The following ULK4 variants were observed in gnomAD, a reference collection of about 807,000 sequenced individuals.
ULK4 encodes inactive serine/threonine-protein kinase ULK4.
ULK4 carries 133 observed loss-of-function variants against 160.6 expected under a neutral mutation model. That is an observed-to-expected ratio of 0.83 (90% confidence interval 0.72 to 0.96). The LOEUF is 0.96. ULK4 is among the 40% of genes least tolerant of loss of function. The pLI is 0.00. For missense variants in ULK4, 1,580 were observed against 1,499.5 expected, an observed-to-expected ratio of 1.05 and a Z score of -0.89; for synonymous variants, 534 against 539.8, an observed-to-expected ratio of 0.99 and a Z score of 0.15.
At chr3:41,287,080 T>G (rs2079474878) in intron 35 of ULK4, among the ~76,000 whole-genome samples, 1 of 152,162 alleles carries the variant, frequency 6.6e-6, no homozygotes, top group South Asian at 2.1e-4. Flanking sequence ...CTGTCAGCAA[T>G]CCTGGCACAT....
intron 8 of ULK4, 64 bp from the exon 9 acceptor site, chr3:41,912,963 C>T (rs1698840032): frequency 2.0e-6 from 3 of 1,488,816 alleles, no homozygotes; most frequent in East Asian, 2.3e-5. Flanking sequence ...ATTCCCAAGA[C>T]ATGTCCCAAT....
At chr3:41,727,482 G>A (rs1309257807) in intron 22 of ULK4, among the ~76,000 whole-genome samples, 1 of 152,186 alleles carries the variant, frequency 6.6e-6, no homozygotes, top group East Asian at 1.9e-4. Context: ...CTCTCGACAG[G>A]ATGTCATTGA....
At chr3:41,702,767 G>A (rs967817545) in intron 27 of ULK4, among the ~76,000 whole-genome samples, 58 of 150,886 alleles carry the variant, frequency 3.8e-4, no homozygotes, top group Admixed American at 2.2e-3. Flanking sequence ...ATTCATAATA[G>A]TAATAGGAGA....
In ULK4 at chr3:41,810,719, T is replaced by C. The variant is rs180802389; in HGVS notation, c.1848+8704A>G. ...AGATAAATAGATATAAAATTGACCA[T>C]TCTAACTCAACAGTGTATAGTTTTG... On this transcript the variant is annotated intron_variant, in intron 19 of 36. Transcript: ENST00000301831. Among the ~76,000 whole-genome samples the C allele has an allele frequency of 9.7e-4, 148 of 152,342 alleles. 1 individual carries two copies. Among genetic ancestry groups the C allele is most frequent in the African/African-American group, 3.4e-3 (141 of 41,596 alleles).
At chr3:41,856,815 T>C (rs1382696698) in intron 17 of ULK4, among the ~76,000 whole-genome samples, 1 of 151,324 alleles carries the variant, frequency 6.6e-6, no homozygotes, top group East Asian at 2.0e-4. Flanking sequence ...CTATGGTGGG[T>C]AGACTGCTTG....
intron 30 of ULK4, among the ~76,000 whole-genome samples, 163 bp from the exon 31 acceptor site, chr3:41,615,880 A>C (rs1200686295): frequency 6.6e-6 from 1 of 152,236 alleles, no homozygotes; most frequent in Non-Finnish European, 1.5e-5. Flanking sequence ...TATAGCTATT[A>C]AACAAGAAAT....
At chr3:41,346,494 A>G (rs1170438879) in intron 35 of ULK4, among the ~76,000 whole-genome samples, 1 of 152,120 alleles carries the variant, frequency 6.6e-6, no homozygotes, top group African/African-American at 2.4e-5. Context: ...CAGTGCTCCC[A>G]CCAGTGTCCA....
At chr3:41,913,510 C>A (rs537829962) in intron 8 of ULK4, among the ~76,000 whole-genome samples, 1 of 152,186 alleles carries the variant, frequency 6.6e-6, no homozygotes, top group African/African-American at 2.4e-5. Flanking sequence ...CTGGCGTGAG[C>A]CACCGTGCTC....
intron 35 of ULK4, among the ~76,000 whole-genome samples, chr3:41,352,307 C>G (rs2080927301): frequency 6.6e-6 from 1 of 152,174 alleles, no homozygotes; most frequent in Middle Eastern, 3.2e-3. Context: ...GTCACATACA[C>G]CTACACTGTC....
Position 41,705,259 on chromosome 3 carries a change from G to A in ULK4, c.2681C>T (p.Ala894Val). Residue 894 changes from alanine to valine, a missense_variant, in exon 26 of 37, where the codon GCC becomes GTC. By Grantham distance (64) the Ala-to-Val change is moderately conservative. Coordinates refer to ENST00000301831, the MANE Select transcript of ULK4 (RefSeq NM_017886.4). ...ATGTTCCAGGGTCTACTCACCTATG[G>A]CTCCATCTATGTTCGTTTCTCCTGA... The part of the protein sequence containing the change: ...VDSGETNIDG[A>V]IGLTASEEFI... 1 of 1,613,108 alleles carries A rather than the reference G, an allele frequency of 6.2e-7. No homozygotes were observed.
intron 20 of ULK4, among the ~76,000 whole-genome samples, chr3:41,794,720 T>C (rs1431439714): frequency 1.5e-5 from 1 of 68,604 alleles, no homozygotes; most frequent in African/African-American, 5.9e-5. Context: ...TGTGTATAAA[T>C]ACATTAAATA....
intron 35 of ULK4, among the ~76,000 whole-genome samples, chr3:41,386,542 A>G (rs2081814940): frequency 6.6e-6 from 1 of 152,186 alleles, no homozygotes; most frequent in South Asian, 2.1e-4. Context: ...AATTGGAGCC[A>G]CAGCCAAACC....
chr3:41,633,398 A>G (rs762240681), intron 30 of ULK4, among the ~76,000 whole-genome samples: 1 of 152,178 alleles, frequency 6.6e-6, no homozygotes, highest in African/African-American at 2.4e-5. Context: ...ATTCATTTAC[A>G]TACTGTCTGC....
chr3:41,697,693 G>A (rs1030097877), intron 27 of ULK4, among the ~76,000 whole-genome samples: 3 of 152,086 alleles, frequency 2.0e-5, no homozygotes, highest in Non-Finnish European at 4.4e-5. Flanking sequence ...TGTTGCCCAG[G>A]TTGGTCTTTG....
intron 32 of ULK4, among the ~76,000 whole-genome samples, chr3:41,503,712 G>C (rs184093971): frequency 6.6e-6 from 1 of 152,128 alleles, no homozygotes; most frequent in African/African-American, 2.4e-5. Flanking sequence ...TTAGCATTTA[G>C]TATGTTTTTG....
At chr3:41,446,669 T>A (rs1464744061) in intron 34 of ULK4, among the ~76,000 whole-genome samples, 1 of 135,294 alleles carries the variant, frequency 7.4e-6, no homozygotes, top group Non-Finnish European at 1.5e-5. Flanking sequence ...TGGGTGTGAA[T>A]TGAACAATGA....
Position 41,931,682 on chromosome 3 carries a change from T to C in ULK4, c.541+162A>G, listed in dbSNP as rs183775824. The C allele has an allele frequency of 8.2e-4, 696 of 848,442 alleles. 8 individuals carry two copies. In the African/African-American group the frequency reaches 9.5e-3, roughly 12 times the overall value. 52.6% of individuals were successfully genotyped at this position (848,442 alleles called of 1,614,324 possible). On this transcript the variant is annotated intron_variant, in intron 5 of 36. Coordinates refer to ENST00000301831, the MANE Select transcript of ULK4 (RefSeq NM_017886.4). The stretch of plus-strand genomic sequence containing the variant: ...GATCCACATTGAATACTTTAGGCCA[T>C]GGACAAAGCCATTCCTATGCCCAGA...
intron 35 of ULK4, among the ~76,000 whole-genome samples, chr3:41,369,363 A>C (rs1301180154): frequency 1.3e-5 from 2 of 152,086 alleles, no homozygotes; most frequent in African/African-American, 4.8e-5. Context: ...GTGTGGTGGC[A>C]CATGCCTGTG....
At chr3:41,335,059 A>G (rs1022890439) in intron 35 of ULK4, among the ~76,000 whole-genome samples, 6 of 152,196 alleles carry the variant, frequency 3.9e-5, no homozygotes, top group African/African-American at 1.4e-4. Flanking sequence ...CACAAATAAG[A>G]AAAACAAAAC....
Sources: allele counts gnomAD v4.1 joint callset (sites outside exome capture counted in the v4.1 genomes callset), GRCh38; gene constraint gnomAD v4.1.1; transcripts MANE v1.5; gene names NCBI Gene and HGNC (gene_info 2026-07-23, HGNC 2026-07-21).